JMJD1C: variants seen among roughly 807,000 people sequenced by gnomAD.
The protein encoded by JMJD1C is jumonji domain-containing protein 1C.
A neutral mutation model predicts 245.3 loss-of-function variants in JMJD1C; 31 were observed. The observed-to-expected ratio is 0.13, with a 90% CI of 0.09 to 0.17. The LOEUF (loss-of-function observed/expected upper bound fraction) is 0.17. Among genes scored for constraint, JMJD1C ranks in the 10% least tolerant of loss-of-function variants. The pLI is 1.00. For missense variants in JMJD1C, 2,691 were observed against 3,000.2 expected, an observed-to-expected ratio of 0.90 and a Z score of 2.41; for synonymous variants, 1,057 against 1,017.4, an observed-to-expected ratio of 1.04 and a Z score of -0.74.
chr10:63,253,618 T>C (rs1231690571), intron 3 of JMJD1C, among the ~76,000 whole-genome samples: 2 of 152,130 alleles, frequency 1.3e-5, no homozygotes, highest in African/African-American at 2.4e-5. Context: ...ACTCCTGAAC[T>C]CAGGTGATCC....
Position 63,354,130 on chromosome 10 carries a change from C to T in JMJD1C, c.333+26188G>A, listed in dbSNP as rs576996633. ...CTGGGATTACAGGCATGAGCCACTGCGCCTGGCCCTGAGTTGGTATTTGTA... is the reference window on the plus strand; with the variant it reads ...CTGGGATTACAGGCATGAGCCACTGTGCCTGGCCCTGAGTTGGTATTTGTA... On this transcript the variant is annotated intron_variant, in intron 2 of 25. Transcript: ENST00000399262. Among the ~76,000 whole-genome samples the T allele has an allele frequency of 2.6e-5, 4 of 152,240 alleles. No homozygotes were observed. The East Asian group carries it at 5.8e-4, about 22-fold the overall frequency.
intron 1 of JMJD1C, among the ~76,000 whole-genome samples, chr10:63,404,447 T>C (rs141097526): frequency 6.6e-6 from 1 of 152,304 alleles, no homozygotes; most frequent in African/African-American, 2.4e-5. Flanking sequence ...CCTTGCTATG[T>C]TGCCCAGGCA....
At chr10:63,489,151 G>A (rs1475151103) in intron 1 of JMJD1C, among the ~76,000 whole-genome samples, 2 of 152,194 alleles carry the variant, frequency 1.3e-5, no homozygotes, top group African/African-American at 2.4e-5. Flanking sequence ...TGTAATCCCA[G>A]CACTTTGGGA....
chr10:63,304,367 T>C (rs1313687537), intron 2 of JMJD1C, among the ~76,000 whole-genome samples: 1 of 152,088 alleles, frequency 6.6e-6, no homozygotes, highest in African/African-American at 2.4e-5. Context: ...GATTGCTGGC[T>C]ACATCTGAGA....
intron 1 of JMJD1C, among the ~76,000 whole-genome samples, chr10:63,506,872 G>C (rs892835755): frequency 1.3e-5 from 2 of 152,116 alleles, no homozygotes; most frequent in African/African-American, 2.4e-5. Flanking sequence ...CACTATTATA[G>C]TACTGTACAT....
At chr10:63,428,066 C>CATAT in intron 1 of JMJD1C, 3 of 539,752 alleles carry the variant, frequency 5.6e-6, no homozygotes, top group Non-Finnish European at 1.0e-5. Flanking sequence ...ACACAACACA[C>CATAT]ATATATATAT....
At chr10:63,353,065 T>C (rs1944499342) in intron 2 of JMJD1C, among the ~76,000 whole-genome samples, 2 of 152,220 alleles carry the variant, frequency 1.3e-5, no homozygotes, top group Non-Finnish European at 2.9e-5. Context: ...TAAAATATAT[T>C]ACATTTCATG....
intron 1 of JMJD1C, among the ~76,000 whole-genome samples, chr10:63,505,373 TCC>T (rs1433972258): frequency 6.7e-6 from 1 of 150,150 alleles, no homozygotes; most frequent in Non-Finnish European, 1.5e-5. Flanking sequence ...TACATGTTCC[TCC>T]TTAGAACCAG....
rs898423357 is a variant in JMJD1C at position 63,261,375 on chromosome 10, G to A, written c.447+3276C>T. On this transcript the variant is annotated intron_variant, in intron 3 of 25. Coordinates refer to ENST00000399262, the MANE Select transcript of JMJD1C (RefSeq NM_032776.3). ...CGGGGTGGATCATCTGAGGTCAGGA[G>A]TTCAAGACCAGCCTGGTCAACATGG... Among the ~76,000 whole-genome samples the A allele has an allele frequency of 3.3e-5, 5 of 152,236 alleles. No homozygotes were observed. The South Asian group carries it at 1.0e-3, about 32-fold the overall frequency.
chr10:63,457,094 C>A (rs1952463883), intron 1 of JMJD1C, among the ~76,000 whole-genome samples: 1 of 152,092 alleles, frequency 6.6e-6, no homozygotes. Flanking sequence ...TTAAAAATTT[C>A]AGCTTAGTTT....
intron 2 of JMJD1C, among the ~76,000 whole-genome samples, chr10:63,337,600 AAAG>A (rs1475400897): frequency 8.7e-6 from 1 of 114,998 alleles, no homozygotes; most frequent in Non-Finnish European, 1.6e-5. Context: ...AAAGAAAAGA[AAAG>A]AAAAGAAAAG....
At chr10:63,401,520 T>C (rs866039534) in intron 1 of JMJD1C, among the ~76,000 whole-genome samples, 1 of 152,284 alleles carries the variant, frequency 6.6e-6, no homozygotes, top group South Asian at 2.1e-4. Flanking sequence ...TTGTTACTGA[T>C]TTCAAATTTA....
chr10:63,383,075 CATACAT>C (rs1947337260), intron 1 of JMJD1C, among the ~76,000 whole-genome samples: 1 of 152,026 alleles, frequency 6.6e-6, no homozygotes, highest in Non-Finnish European at 1.5e-5. Flanking sequence ...TACAGTGCTG[CATACAT>C]ATAAAGTTTT....
chr10:63,390,484 C>G (rs1256969605), intron 1 of JMJD1C, among the ~76,000 whole-genome samples: 1 of 152,076 alleles, frequency 6.6e-6, no homozygotes, highest in Non-Finnish European at 1.5e-5. Flanking sequence ...TCAAACTAGT[C>G]CAAAAAACTG....
chr10:63,461,719 G>A (rs1235836317), intron 1 of JMJD1C, among the ~76,000 whole-genome samples: 1 of 151,918 alleles, frequency 6.6e-6, no homozygotes, highest in African/African-American at 2.4e-5. Context: ...GAAAAAACCA[G>A]ACATATTTTA....
chr10:63,212,663 G>C (rs1847502366), intron 8 of JMJD1C, among the ~76,000 whole-genome samples: 1 of 152,006 alleles, frequency 6.6e-6, no homozygotes, highest in Non-Finnish European at 1.5e-5. Flanking sequence ...GGGTTAAATA[G>C]TCAAACACTG....
At chr10:63,519,692 G>A (rs1225839499) in intron 1 of JMJD1C, among the ~76,000 whole-genome samples, 1 of 152,216 alleles carries the variant, frequency 6.6e-6, no homozygotes, top group African/African-American at 2.4e-5. Context: ...AAAAATGAGA[G>A]TTCTGATAGG....
At chr10:63,377,096 AG>A (rs1341963072) in intron 2 of JMJD1C, among the ~76,000 whole-genome samples, 1 of 152,238 alleles carries the variant, frequency 6.6e-6, no homozygotes, top group Non-Finnish European at 1.5e-5. Flanking sequence ...TGCAATAAAA[AG>A]GAAGAAAATT....
intron 3 of JMJD1C, among the ~76,000 whole-genome samples, chr10:63,252,654 C>T (rs1853249424): frequency 6.6e-6 from 1 of 152,178 alleles, no homozygotes; most frequent in Non-Finnish European, 1.5e-5. Context: ...CATACTGGTA[C>T]TGTATGAGGA....
Sources: allele counts gnomAD v4.1 joint callset (sites outside exome capture counted in the v4.1 genomes callset), GRCh38; gene constraint gnomAD v4.1.1; transcripts MANE v1.5; gene names NCBI Gene and HGNC (gene_info 2026-07-23, HGNC 2026-07-21).